The following CDK14 variants were observed in gnomAD, a reference collection of about 807,000 sequenced individuals.
CDK14 encodes cyclin dependent kinase 14.
In CDK14, 34 loss-of-function variants were observed where a neutral mutation model predicts 60.7. The ratio of observed to expected loss-of-function variants is 0.56; its 90% CI spans 0.43 to 0.75. CDK14 has a LOEUF of 0.75. Ranked by LOEUF, CDK14 falls within the 30% of genes least tolerant of loss-of-function variation. The pLI is 0.00. For synonymous variants in CDK14, 197 were observed against 203.7 expected, an observed-to-expected ratio of 0.97 and a Z score of 0.28; for missense variants, 482 against 564.1, an observed-to-expected ratio of 0.85 and a Z score of 1.47.
chr7:90,847,597 C>T (rs1283128295), intron 5 of CDK14, among the ~76,000 whole-genome samples: 2 of 152,064 alleles, frequency 1.3e-5, no homozygotes, highest in Non-Finnish European at 2.9e-5. Flanking sequence ...CAGTTCTCAA[C>T]TTGATGTTTT....
chr7:90,814,030 C>T (rs1221244857), intron 5 of CDK14, among the ~76,000 whole-genome samples: 2 of 152,138 alleles, frequency 1.3e-5, no homozygotes, highest in Non-Finnish European at 1.5e-5. Context: ...ATCTATTTCT[C>T]TTTCTTCCAA....
intron 14 of CDK14, among the ~76,000 whole-genome samples, chr7:91,139,426 G>C (rs1392850181): frequency 1.3e-5 from 2 of 152,086 alleles, no homozygotes; most frequent in African/African-American, 4.8e-5. Context: ...ATTTTTTCTA[G>C]TGAGTTGTGG....
intron 2 of CDK14, among the ~76,000 whole-genome samples, chr7:90,664,247 T>G (rs1165106361): frequency 7.2e-5 from 11 of 152,230 alleles, no homozygotes; most frequent in Non-Finnish European, 1.5e-5. Context: ...AGATTCCATC[T>G]CACACCAGTT....
chr7:90,672,247 A>G (rs772553924), intron 2 of CDK14, among the ~76,000 whole-genome samples: 42 of 152,202 alleles, frequency 2.8e-4, no homozygotes, highest in Non-Finnish European at 5.1e-4. Flanking sequence ...ACAGGGTTGT[A>G]AAACCATTAC....
At chr7:90,778,985 G>T (rs553024636) in intron 4 of CDK14, among the ~76,000 whole-genome samples, 4 of 151,212 alleles carry the variant, frequency 2.6e-5, no homozygotes, top group East Asian at 3.9e-4. Flanking sequence ...GGACACGGTG[G>T]CTCACGTCTG....
chr7:91,002,788 A>T (rs1175291767), intron 10 of CDK14, among the ~76,000 whole-genome samples: 2 of 152,106 alleles, frequency 1.3e-5, no homozygotes, highest in Non-Finnish European at 2.9e-5. Flanking sequence ...AGAATATCAG[A>T]TGTGGCCGGG....
intron 4 of CDK14, among the ~76,000 whole-genome samples, chr7:90,755,527 A>G (rs902644139): frequency 6.6e-6 from 1 of 152,210 alleles, no homozygotes; most frequent in African/African-American, 2.4e-5. Flanking sequence ...TACTACCTGC[A>G]TGACAGGATC....
chr7:90,902,686 C>A (rs527342000), intron 7 of CDK14, among the ~76,000 whole-genome samples: 1 of 151,908 alleles, frequency 6.6e-6, no homozygotes, highest in African/African-American at 2.4e-5. Context: ...TTCAGGGCTT[C>A]GGTCTAGGAA....
intron 3 of CDK14, among the ~76,000 whole-genome samples, chr7:90,735,280 A>G (rs1408707728): frequency 6.6e-6 from 1 of 152,156 alleles, no homozygotes; most frequent in African/African-American, 2.4e-5. Context: ...GTCAGGATAC[A>G]TGGGGTTCAG....
intron 5 of CDK14, among the ~76,000 whole-genome samples, chr7:90,793,822 A>G (rs192896582): frequency 7.8e-4 from 119 of 152,324 alleles, no homozygotes; most frequent in Non-Finnish European, 1.2e-3. Flanking sequence ...TGTATTGTCT[A>G]TGGCTGCTTT....
intron 14 of CDK14, among the ~76,000 whole-genome samples, chr7:91,203,869 A>G (rs12704597): frequency 0.15 from 22,626 of 152,202 alleles, 1,922 homozygotes; most frequent in East Asian, 0.29. Context: ...ATGGTCCTCA[A>G]AAAGATGCCA....
chr7:90,871,581 A>G (rs950174099), intron 6 of CDK14, among the ~76,000 whole-genome samples: 4 of 152,204 alleles, frequency 2.6e-5, no homozygotes, highest in African/African-American at 9.6e-5. Context: ...TCTGTAAATT[A>G]TGTTCACTTC....
At chr7:90,661,460 A>G (rs1488875301) in intron 2 of CDK14, among the ~76,000 whole-genome samples, 1 of 152,180 alleles carries the variant, frequency 6.6e-6, no homozygotes, top group Non-Finnish European at 1.5e-5. Flanking sequence ...ACCTGTTGTT[A>G]CAAGTTCTTT....
chr7:90,950,452 C>T (rs555675572), intron 8 of CDK14, among the ~76,000 whole-genome samples: 9 of 152,188 alleles, frequency 5.9e-5, no homozygotes, highest in African/African-American at 1.9e-4. Flanking sequence ...GTCAGACTTG[C>T]TAGTGTAATA....
intron 5 of CDK14, among the ~76,000 whole-genome samples, chr7:90,806,874 C>A (rs1788865979): frequency 1.3e-5 from 2 of 152,012 alleles, no homozygotes; most frequent in African/African-American, 4.8e-5. Context: ...TCATTGCTAG[C>A]ACAGCAGTCT....
At chr7:90,625,636 T>G (rs1799861396) in intron 2 of CDK14, among the ~76,000 whole-genome samples, 1 of 152,236 alleles carries the variant, frequency 6.6e-6, no homozygotes, top group Non-Finnish European at 1.5e-5. Flanking sequence ...GGAAATTCAT[T>G]ATAGGCCTTT....
intron 5 of CDK14, among the ~76,000 whole-genome samples, chr7:90,811,029 T>A (rs149156467): frequency 0.2 from 29,900 of 152,044 alleles, 3,042 homozygotes; most frequent in South Asian, 0.24. Flanking sequence ...ATCGTGAGAA[T>A]GGCCATACTG....
At chr7:91,043,416 A>G (rs1797144444) in intron 10 of CDK14, among the ~76,000 whole-genome samples, 1 of 152,236 alleles carries the variant, frequency 6.6e-6, no homozygotes, top group Admixed American at 6.5e-5. Flanking sequence ...GCTAAAGTTT[A>G]GTACTGTTGA....
At chr7:91,204,987 A>T (rs541462686) in intron 14 of CDK14, among the ~76,000 whole-genome samples, 2 of 152,150 alleles carry the variant, frequency 1.3e-5, no homozygotes, top group Admixed American at 1.3e-4. Flanking sequence ...ATCATTAGGG[A>T]AATGCAAGTG....
Sources: allele counts gnomAD v4.1 joint callset (sites outside exome capture counted in the v4.1 genomes callset), GRCh38; gene constraint gnomAD v4.1.1; transcripts MANE v1.5; gene names NCBI Gene and HGNC (gene_info 2026-07-23, HGNC 2026-07-21).